The following UQCR11 variants were observed in gnomAD, a reference collection of about 807,000 sequenced individuals.
UQCR11 encodes the protein cytochrome b-c1 complex subunit 10.
Under a neutral mutation model 7.6 loss-of-function variants are expected in UQCR11, and 10 were observed. The observed-to-expected ratio is 1.31, with a 90% confidence interval of 0.81 to 2.22. The LOEUF (loss-of-function observed/expected upper bound fraction) is 2.22. UQCR11 is among the 30% of genes most tolerant of loss of function. The pLI is 0.00. For synonymous variants in UQCR11, 34 were observed against 34.9 expected, an observed-to-expected ratio of 0.97 and a Z score of 0.09; for missense variants, 86 against 75.1, an observed-to-expected ratio of 1.15 and a Z score of -0.54.
chr19:1,603,124 C>G (rs1315997599), intron 1 of UQCR11, among the ~76,000 whole-genome samples: 1 of 152,234 alleles, frequency 6.6e-6, no homozygotes, highest in Non-Finnish European at 1.5e-5. Flanking sequence ...AAGCCACTGC[C>G]TGGTGGCACA....
At chr19:1,605,238 AC>A (rs1455844430) in intron 1 of UQCR11, 121 bp downstream of exon 1, 6 of 1,138,382 alleles carry the variant, frequency 5.3e-6, no homozygotes, top group Non-Finnish European at 7.1e-6. Flanking sequence ...GTCACCGGGA[AC>A]AACAAGGGAC....
intron 2 of UQCR11, chr19:1,598,841 G>T (rs1209229113): frequency 6.4e-6 from 1 of 155,664 alleles, no homozygotes; most frequent in East Asian, 1.9e-4. Flanking sequence ...CCGGAGCAGG[G>T]CTCTGAGGCC....
chr19:1,599,664 G>C (rs138161876), intron 1 of UQCR11, 104 bp from the exon 2 acceptor site: 1 of 1,495,878 alleles, frequency 6.7e-7, no homozygotes, highest in African/African-American at 1.4e-5. Context: ...GCTGAGGTGC[G>C]GGCCTGGCAC....
chr19:1,603,002 G>T lies in UQCR11; in HGVS notation c.50+2358C>A, dbSNP rs368726073. Among the ~76,000 whole-genome samples, 28 of 152,290 alleles carry T rather than the reference G, an allele frequency of 1.8e-4. No individual in the cohort carries two copies. In the South Asian group the frequency reaches 4.8e-3, roughly 26 times the overall value. On this transcript the variant is annotated intron_variant, in intron 1 of 2. Coordinates refer to ENST00000591899, the MANE Select transcript of UQCR11 (RefSeq NM_006830.4). ...CCCAGCAGGGCCTAGAAGGGGTGTG[G>T]ACTGCAGGGTCCCCAGCTGGTGAAC...
intron 1 of UQCR11, among the ~76,000 whole-genome samples, chr19:1,603,329 G>T (rs578007465): frequency 6.6e-6 from 1 of 152,202 alleles, no homozygotes; most frequent in African/African-American, 2.4e-5. Context: ...TGGGCTGGGC[G>T]CAGTGGCTCA....
chr19:1,599,227 G>A (rs907531719), intron 2 of UQCR11, 185 bp downstream of exon 2: 40 of 694,460 alleles, frequency 5.8e-5, no homozygotes, highest in East Asian at 5.6e-4. Flanking sequence ...GCTGCGGGGC[G>A]GACAGTTCTG....
Position 1,597,938 on chromosome 19 carries a change from C to T in UQCR11, c.*306G>A, listed in dbSNP as rs193113621. ...AGTTTCTGTCAGCCATTGGAACACT[C>T]TCCTAGACTTGCAACATTCTGGAGC... On this transcript the variant is annotated 3_prime_UTR_variant, in exon 3 of 3. Transcript: ENST00000591899. 3 of 152,400 alleles carry T rather than the reference C, an allele frequency of 2.0e-5. No individual in the cohort carries two copies. The highest frequency in any genetic ancestry group is 2.0e-4 in the Admixed American group (3 of 15,304). The allele number at this position is 152,400 out of a possible 1,614,324, so 9.4% of individuals were successfully genotyped here. A position where few individuals can be genotyped will look rare whatever the true frequency, so the allele number is the denominator to read the frequency against.
rs1472191057 is a variant in UQCR11 at position 1,600,425 on chromosome 19, G to C, written c.51-865C>G. Among the ~76,000 whole-genome samples the C allele has an allele frequency of 2.0e-5, 3 of 152,218 alleles. No individual in the cohort carries two copies. In the East Asian group the frequency reaches 5.8e-4, roughly 30 times the overall value. Reference sequence around the variant, plus strand: ...AGATGGGGTTTCACCGTGTTAGCCAGGATGGTCTCAATCTCCTGACCTCGT... The same window carrying C: ...AGATGGGGTTTCACCGTGTTAGCCACGATGGTCTCAATCTCCTGACCTCGT... On this transcript the variant is annotated intron_variant, in intron 1 of 2. Coordinates refer to ENST00000591899, the MANE Select transcript of UQCR11 (RefSeq NM_006830.4).
intron 2 of UQCR11, chr19:1,599,190 G>T: frequency 1.9e-6 from 1 of 523,056 alleles, no homozygotes; most frequent in Non-Finnish European, 3.4e-6. Flanking sequence ...GGAGGGCGAG[G>T]CCCACACCCC....
chr19:1,605,325 G>A (rs2060758886), intron 1 of UQCR11, 35 bp downstream of exon 1: 5 of 1,554,300 alleles, frequency 3.2e-6, no homozygotes, highest in Non-Finnish European at 4.3e-6. Context: ...GGCCGAGGCG[G>A]GAGCGCGGAT....
At chr19:1,599,660 G>A (rs924035633) in intron 1 of UQCR11, 100 bp from the exon 2 acceptor site, 1 of 1,507,946 alleles carries the variant, frequency 6.6e-7, no homozygotes, top group Non-Finnish European at 8.8e-7. Flanking sequence ...GATGGCTGAG[G>A]TGCGGGCCTG....
intron 1 of UQCR11, among the ~76,000 whole-genome samples, chr19:1,604,441 G>A (rs1281113037): frequency 1.3e-5 from 2 of 151,910 alleles, no homozygotes; most frequent in Non-Finnish European, 2.9e-5. Context: ...GAACTCCCAG[G>A]CTCAAGTGAT....
At chr19:1,605,252 G>A in intron 1 of UQCR11, 108 bp downstream of exon 1, 1 of 1,319,160 alleles carries the variant, frequency 7.6e-7, no homozygotes, top group Non-Finnish European at 1.0e-6. Context: ...CAAGGGACCT[G>A]GGCCCGGCCC....
At chr19:1,598,739 A>G (rs1451307872) in intron 2 of UQCR11, among the ~76,000 whole-genome samples, 1 of 152,218 alleles carries the variant, frequency 6.6e-6, no homozygotes, top group Admixed American at 6.5e-5. Flanking sequence ...TTCCATATGA[A>G]GCTGGCTGCG....
chr19:1,602,439 T>C (rs931482872), intron 1 of UQCR11: 2 of 151,906 alleles, frequency 1.3e-5, no homozygotes, highest in Non-Finnish European at 2.9e-5. Flanking sequence ...GGATAAGTTA[T>C]TTATTTATTT....
At chr19:1,604,492 G>A (rs1568283550) in intron 1 of UQCR11, among the ~76,000 whole-genome samples, 1 of 151,994 alleles carries the variant, frequency 6.6e-6, no homozygotes, top group Non-Finnish European at 1.5e-5. Flanking sequence ...ATCACAGGCC[G>A]GAGCCACTGC....
intron 1 of UQCR11, among the ~76,000 whole-genome samples, chr19:1,603,298 T>A (rs776954204): frequency 6.6e-6 from 1 of 152,144 alleles, no homozygotes; most frequent in Non-Finnish European, 1.5e-5. Flanking sequence ...CCCTAACACA[T>A]AGTAGGTGCT....
Position 1,597,805 on chromosome 19 carries a change from TGA to T in UQCR11, c.*437_*438del, listed in dbSNP as rs1191616571. The T allele has an allele frequency of 6.6e-6, 1 of 152,176 alleles. No homozygotes were observed. The highest frequency in any genetic ancestry group is 1.5e-5 in the Non-Finnish European group (1 of 68,034). The allele number at this position is 152,176 out of a possible 1,614,324, so 9.4% of individuals were successfully genotyped here. ...CCAAATCCCCGACTGACACAGACTG[TGA>T]GAGAGTGAATGTTCGTTGCTTTAAG... On this transcript the variant is annotated 3_prime_UTR_variant, in exon 3 of 3. Transcript: ENST00000591899.
intron 1 of UQCR11, among the ~76,000 whole-genome samples, chr19:1,603,800 C>T (rs182475573): frequency 1.2e-3 from 182 of 152,242 alleles, no homozygotes; most frequent in Admixed American, 1.6e-3. Flanking sequence ...GAGTTACCCA[C>T]GCTGTAAAAC....
Sources: allele counts gnomAD v4.1 joint callset (sites outside exome capture counted in the v4.1 genomes callset), GRCh38; gene constraint gnomAD v4.1.1; transcripts MANE v1.5; gene names NCBI Gene and HGNC (gene_info 2026-07-23, HGNC 2026-07-21).